The following DLC1 variants were observed in gnomAD, a reference collection of about 807,000 sequenced individuals.
DLC1 encodes rho GTPase-activating protein 7.
DLC1 carries 54 observed loss-of-function variants against 140.3 expected under a neutral mutation model. The observed-to-expected ratio is 0.38, with a 90% confidence interval of 0.31 to 0.48. The LOEUF is 0.48. Among genes scored for constraint, DLC1 ranks in the 20% least tolerant of loss-of-function variants. The pLI, the probability that DLC1 is intolerant of heterozygous loss-of-function variation, is 0.96. For synonymous variants in DLC1, 986 were observed against 728.1 expected (o/e 1.35, Z -5.70); for missense variants, 2,536 against 1,907.0 (o/e 1.33, Z -6.14).
intron 5 of DLC1, among the ~76,000 whole-genome samples, chr8:13,178,132 A>T (rs957487086): frequency 2.6e-5 from 4 of 152,238 alleles, no homozygotes; most frequent in Admixed American, 6.5e-5. Context: ...AAAAAAATCA[A>T]TTCAATGAAT....
intron 4 of DLC1, among the ~76,000 whole-genome samples, chr8:13,356,089 C>CAAAAAA (rs372991073): frequency 3.7e-5 from 2 of 53,340 alleles, no homozygotes; most frequent in East Asian, 5.7e-4. Flanking sequence ...GACTCCATCT[C>CAAAAAA]AAAAAAAAAA....
At chr8:13,583,694 A>C (rs1275015025) in intron 1 of DLC1, among the ~76,000 whole-genome samples, 1 of 152,232 alleles carries the variant, frequency 6.6e-6, no homozygotes, top group East Asian at 1.9e-4. Flanking sequence ...CTTTAGCGAA[A>C]TATCGATTAA....
chr8:13,301,457 T>C (rs576488928), intron 5 of DLC1, among the ~76,000 whole-genome samples: 1 of 152,304 alleles, frequency 6.6e-6, no homozygotes, highest in East Asian at 1.9e-4. Context: ...CAACCAATTA[T>C]CATAAAAGAC....
At chr8:13,147,456 A>C (rs1823516553) in intron 5 of DLC1, among the ~76,000 whole-genome samples, 1 of 152,208 alleles carries the variant, frequency 6.6e-6, no homozygotes, top group Non-Finnish European at 1.5e-5. Context: ...CTGGAAAAGA[A>C]AGTTCTTTCA....
intron 5 of DLC1, among the ~76,000 whole-genome samples, chr8:13,279,833 T>C (rs1831304338): frequency 6.6e-6 from 1 of 152,158 alleles, no homozygotes; most frequent in Non-Finnish European, 1.5e-5. Context: ...ATTTCTCAAG[T>C]TGTATTTCCA....
rs112997602 is a variant in DLC1, at chr8:13,321,688, G to C, written c.1315-16386C>G. Among the ~76,000 whole-genome samples, 732 of 151,684 alleles carry C rather than the reference G, an allele frequency of 4.8e-3. 8 individuals are homozygous for C. The highest frequency in any genetic ancestry group is 0.017 in the African/African-American group (709 of 41,332). ...AGGAAGTCACCATCATACATACCTTGAATCAGGAGGATAATTCATCCAGTT... is the reference window on the plus strand; with the variant it reads ...AGGAAGTCACCATCATACATACCTTCAATCAGGAGGATAATTCATCCAGTT... On this transcript the variant is annotated intron_variant, in intron 4 of 17. Transcript: ENST00000276297.
At chr8:13,489,811 T>C (rs1034048023) in intron 2 of DLC1, among the ~76,000 whole-genome samples, 5 of 152,198 alleles carry the variant, frequency 3.3e-5, no homozygotes, top group African/African-American at 1.2e-4. Flanking sequence ...ATATATGCTG[T>C]GAATATAGAT....
intron 2 of DLC1, among the ~76,000 whole-genome samples, chr8:13,425,718 A>T (rs1304381639): frequency 6.6e-6 from 1 of 152,214 alleles, no homozygotes; most frequent in Non-Finnish European, 1.5e-5. Flanking sequence ...TTTAATGTAT[A>T]TAAAGCAAAA....
At chr8:13,200,208 A>C (rs1426545069) in intron 5 of DLC1, among the ~76,000 whole-genome samples, 2 of 151,360 alleles carry the variant, frequency 1.3e-5, no homozygotes, top group Non-Finnish European at 2.9e-5. Context: ...ACGCCCTGCA[A>C]ATTTTTTCTA....
chr8:13,357,023 C>G (rs546081203), intron 4 of DLC1, among the ~76,000 whole-genome samples: 13 of 152,176 alleles, frequency 8.5e-5, no homozygotes, highest in African/African-American at 3.1e-4. Context: ...AATCCCAACA[C>G]TTAGGGGGGC....
chr8:13,309,801 C>T (rs1438563470), intron 4 of DLC1, among the ~76,000 whole-genome samples: 1 of 152,144 alleles, frequency 6.6e-6, no homozygotes, highest in African/African-American at 2.4e-5. Flanking sequence ...AAATAATAGA[C>T]ATCATATCTG....
intron 5 of DLC1, among the ~76,000 whole-genome samples, chr8:13,188,799 G>GTATA (rs1328743019): frequency 1.3e-4 from 10 of 79,550 alleles, no homozygotes; most frequent in African/African-American, 5.6e-4. Flanking sequence ...GTGTGTGTGT[G>GTATA]TGTATATATA....
chr8:13,315,002 G>C (rs1177223519), intron 4 of DLC1, among the ~76,000 whole-genome samples: 1 of 152,180 alleles, frequency 6.6e-6, no homozygotes. Flanking sequence ...TGAAAGTAAA[G>C]GTATTCTAAT....
chr8:13,087,815 A>G (rs1316671993), intron 16 of DLC1, among the ~76,000 whole-genome samples: 1 of 152,240 alleles, frequency 6.6e-6, no homozygotes, highest in Admixed American at 6.5e-5. Context: ...TATGAATTAC[A>G]CATACATCAG....
chr8:13,512,128 T>G (rs1043280788), intron 1 of DLC1, among the ~76,000 whole-genome samples: 6 of 152,162 alleles, frequency 3.9e-5, no homozygotes, highest in African/African-American at 1.4e-4. Flanking sequence ...TTTACTGCAC[T>G]TATTTCTCAT....
At chr8:13,295,747 T>C (rs894904288) in intron 5 of DLC1, among the ~76,000 whole-genome samples, 4 of 152,066 alleles carry the variant, frequency 2.6e-5, no homozygotes, top group South Asian at 2.1e-4. Flanking sequence ...GTCAAAGTAA[T>C]AGCTTGTTAC....
intron 2 of DLC1, among the ~76,000 whole-genome samples, chr8:13,484,226 A>T (rs1033734092): frequency 6.6e-6 from 1 of 152,206 alleles, no homozygotes; most frequent in Non-Finnish European, 1.5e-5. Context: ...AGAATAAAGG[A>T]AATGGATATG....
In DLC1 at chr8:13,094,847, C is replaced by T; in HGVS notation, c.3438G>A (p.Val1146=). The change falls in exon 12 of 18, where the codon GTG becomes GTA. Residue 1146 remains valine (V), a synonymous_variant. Transcript: ENST00000276297. ...VNYEGQSAYD[V]ADMLKQYFRD... The stretch of plus-strand genomic sequence containing the variant: ...GAAAATACTGCTTCAGCATGTCTGC[C>T]ACGTCATAAGCAGACTGTCCTTCGT... The T allele has an allele frequency of 6.2e-7, 1 of 1,614,148 alleles. No homozygotes were observed. The highest frequency in any genetic ancestry group is 8.5e-7 in the Non-Finnish European group (1 of 1,180,028).
At chr8:13,222,461 CAT>C (rs1419275503) in intron 5 of DLC1, among the ~76,000 whole-genome samples, 1 of 152,074 alleles carries the variant, frequency 6.6e-6, no homozygotes, top group Non-Finnish European at 1.5e-5. Flanking sequence ...AGCTAAGTAA[CAT>C]ATTATGTTTT....
Sources: gnomAD v4.1 joint callset for allele counts (sites outside exome capture counted in the v4.1 genomes callset) on GRCh38, gnomAD v4.1.1 for gene constraint, MANE v1.5 for transcripts, NCBI Gene and HGNC (gene_info 2026-07-23, HGNC 2026-07-21) for gene names.